SORCS2: variants seen among roughly 807,000 people sequenced by gnomAD.
The protein encoded by SORCS2 is VPS10 domain-containing receptor SorCS2.
A neutral mutation model predicts 141.6 loss-of-function variants in SORCS2; 100 were observed. The ratio of observed to expected loss-of-function variants is 0.71; its 90% CI spans 0.60 to 0.83. The LOEUF (loss-of-function observed/expected upper bound fraction) is 0.83. Ranked by LOEUF, SORCS2 falls within the 40% of genes least tolerant of loss-of-function variation. SORCS2 has a pLI of 0.00. For synonymous variants in SORCS2, 789 were observed against 676.9 expected (o/e 1.17, Z -2.57); for missense variants, 1,646 against 1,560.2 (o/e 1.05, Z -0.93).
chr4:7,708,549 G>A (rs761894992), intron 14 of SORCS2, among the ~76,000 whole-genome samples: 1 of 152,118 alleles, frequency 6.6e-6, no homozygotes, highest in East Asian at 1.9e-4. Flanking sequence ...GTCCTTCAGC[G>A]CCCCGGGAGA....
At chr4:7,676,253 C>T (rs1723100664) in intron 9 of SORCS2, 24 bp downstream of exon 9, 5 of 1,546,014 alleles carry the variant, frequency 3.2e-6, no homozygotes, top group Non-Finnish European at 4.4e-6. Context: ...GGATGTGGGC[C>T]AGGTCTGCCG....
At position 7,445,574 on chromosome 4, in the gene SORCS2, T is replaced by C. The variant is rs551766289; in HGVS notation, c.548+49219T>C. Among the ~76,000 whole-genome samples the C allele has an allele frequency of 6.6e-5, 10 of 152,248 alleles. No individual in the cohort carries two copies. The South Asian group carries it at 2.1e-3, about 32-fold the overall frequency. On this transcript the variant is annotated intron_variant, in intron 2 of 26. Coordinates refer to ENST00000507866, the MANE Select transcript of SORCS2 (RefSeq NM_020777.3). The stretch of plus-strand genomic sequence containing the variant: ...CACCAGGGCTGGACTCCTTGGCTTC[T>C]GTTCAGAAGCTGGGCGCTGAAGGCA...
intron 2 of SORCS2, among the ~76,000 whole-genome samples, chr4:7,412,098 G>A (rs1357473265): frequency 6.6e-6 from 1 of 152,210 alleles, no homozygotes; most frequent in Non-Finnish European, 1.5e-5. Context: ...AGGTGGTAGG[G>A]ACACTCTGCC....
At chr4:7,715,459 C>T (rs59540030) in intron 17 of SORCS2, 148 bp downstream of exon 17, 29 of 1,196,286 alleles carry the variant, frequency 2.4e-5, no homozygotes, top group South Asian at 7.7e-5. Flanking sequence ...GGATGCCCCA[C>T]GCTCACAGCA....
At position 7,520,263 on chromosome 4, in the gene SORCS2, A is replaced by C. The variant is rs533733209; in HGVS notation, c.549-11267A>C. On this transcript the variant is annotated intron_variant, in intron 2 of 26. Coordinates refer to ENST00000507866, the MANE Select transcript of SORCS2 (RefSeq NM_020777.3). ...GTCTGGAAAGGAACTCTGGCACTGG[A>C]GGGGTTCAGTTACTGCAGGAGTTTA... is the stretch of plus-strand genomic sequence containing the variant. 3.3e-5 allele frequency among the ~76,000 whole-genome samples: 5 copies of C among 152,316 alleles called. No homozygotes were observed. The East Asian group carries it at 9.6e-4, about 29-fold the overall frequency.
Position 7,363,969 on chromosome 4 carries a change from C to A in SORCS2, c.481-32319C>A, listed in dbSNP as rs370492270. Among the ~76,000 whole-genome samples, 10 of 7,934 alleles carry A rather than the reference C, an allele frequency of 1.3e-3. No homozygotes were observed. The Admixed American group carries it at 0.016, about 13-fold the overall frequency. The allele number at this position is 7,934 out of a possible 152,430, so 5.2% of individuals were successfully genotyped here. A position where few individuals can be genotyped will look rare whatever the true frequency, so the allele number is the denominator to read the frequency against. ...CATTGTGGTGTATCACCATTACCAT[C>A]ACCGTCACCATAACCATGCCTCACC... On this transcript the variant is annotated intron_variant, in intron 1 of 26. Transcript: ENST00000507866.
intron 3 of SORCS2, among the ~76,000 whole-genome samples, chr4:7,579,377 C>G (rs1211121127): frequency 6.6e-6 from 1 of 152,094 alleles, no homozygotes; most frequent in East Asian, 1.9e-4. Context: ...GTGCACGCAC[C>G]TGTGTGCAAT....
At chr4:7,505,171 C>T (rs557644039) in intron 2 of SORCS2, among the ~76,000 whole-genome samples, 3 of 152,274 alleles carry the variant, frequency 2.0e-5, no homozygotes, top group African/African-American at 4.8e-5. Flanking sequence ...ATGAGGCTAG[C>T]GTTGTGGCTT....
intron 1 of SORCS2, among the ~76,000 whole-genome samples, chr4:7,265,231 G>A (rs1714646552): frequency 6.6e-6 from 1 of 152,216 alleles, no homozygotes; most frequent in Admixed American, 6.5e-5. Context: ...GATGGCTCAT[G>A]TCTGTAATCC....
At chr4:7,656,816 C>T (rs778629365) in intron 5 of SORCS2, among the ~76,000 whole-genome samples, 1 of 152,224 alleles carries the variant, frequency 6.6e-6, no homozygotes, top group Non-Finnish European at 1.5e-5. Flanking sequence ...GGTCTCCCCA[C>T]TACAGCCTTG....
At chr4:7,445,752 C>G (rs1727951583) in intron 2 of SORCS2, among the ~76,000 whole-genome samples, 1 of 152,160 alleles carries the variant, frequency 6.6e-6, no homozygotes, top group Admixed American at 6.5e-5. Flanking sequence ...AGGGTTGAGG[C>G]AGACCCAACC....
chr4:7,651,932 G>A (rs897547914), intron 4 of SORCS2, among the ~76,000 whole-genome samples: 3 of 152,210 alleles, frequency 2.0e-5, no homozygotes, highest in Non-Finnish European at 1.5e-5. Context: ...GACCTTCATC[G>A]GTTTAGGGGC....
chr4:7,447,787 A>G (rs1011224073), intron 2 of SORCS2, among the ~76,000 whole-genome samples: 1 of 152,164 alleles, frequency 6.6e-6, no homozygotes, highest in African/African-American at 2.4e-5. Context: ...ACTACGACCC[A>G]GGATGGAACG....
At chr4:7,220,856 C>T (rs537357214) in intron 1 of SORCS2, among the ~76,000 whole-genome samples, 11 of 152,240 alleles carry the variant, frequency 7.2e-5, no homozygotes, top group South Asian at 4.1e-4. Flanking sequence ...GCACACCCCA[C>T]GTTTAATTCC....
intron 1 of SORCS2, among the ~76,000 whole-genome samples, chr4:7,360,675 C>G (rs1315175622): frequency 6.7e-6 from 1 of 148,242 alleles, no homozygotes; most frequent in Non-Finnish European, 1.5e-5. Flanking sequence ...ACCTCCCAGG[C>G]TCAAGCGATC....
chr4:7,289,420 C>T (rs1232697479), intron 1 of SORCS2, among the ~76,000 whole-genome samples: 2 of 152,182 alleles, frequency 1.3e-5, no homozygotes, highest in Admixed American at 6.5e-5. Context: ...CTGTCATCCC[C>T]ATTGTTTTGC....
chr4:7,543,593 ATT>A (rs1712892474), intron 3 of SORCS2, among the ~76,000 whole-genome samples: 1 of 94,526 alleles, frequency 1.1e-5, no homozygotes, highest in African/African-American at 4.3e-5. Flanking sequence ...CCATCCATCC[ATT>A]CCATCCATCC....
intron 3 of SORCS2, 27 bp downstream of exon 3, chr4:7,531,656 A>G (rs138145562): frequency 0.028 from 44,962 of 1,600,128 alleles, 751 homozygotes; most frequent in Non-Finnish European, 0.033. Flanking sequence ...GGTGGCCGCC[A>G]CTCTGGCTCT....
chr4:7,652,220 G>C lies in SORCS2; in HGVS notation c.814-1914G>C, dbSNP rs553736273. Among the ~76,000 whole-genome samples the C allele has an allele frequency of 3.3e-5, 5 of 151,770 alleles. No individual in the cohort carries two copies. The South Asian group carries it at 1.0e-3, about 32-fold the overall frequency. ...GGAGATCTCGGCTCCCTCCAGGACT[G>C]TCTCTTCCATGAAGGAGGGGGAGGC... On this transcript the variant is annotated intron_variant, in intron 4 of 26. Transcript: ENST00000507866.
Sources: gnomAD v4.1 joint callset for allele counts (sites outside exome capture counted in the v4.1 genomes callset) on GRCh38, gnomAD v4.1.1 for gene constraint, MANE v1.5 for transcripts, NCBI Gene and HGNC (gene_info 2026-07-23, HGNC 2026-07-21) for gene names.